Variants in RBM5 observed in about 807,000 individuals in gnomAD.
The protein encoded by RBM5 is RNA-binding protein 5.
RBM5 carries 15 observed loss-of-function variants against 124.6 expected under a neutral mutation model. The observed-to-expected ratio is 0.12, with a 90% CI of 0.08 to 0.19. The LOEUF (loss-of-function observed/expected upper bound fraction) is 0.19, where lower values mean the gene tolerates loss of function less well. Ranked by LOEUF, RBM5 falls within the 10% of genes least tolerant of loss-of-function variation. The pLI is 1.00. For missense variants in RBM5, 580 were observed against 1,026.5 expected, an observed-to-expected ratio of 0.57 and a Z score of 5.94; for synonymous variants, 337 against 361.2, an observed-to-expected ratio of 0.93 and a Z score of 0.76.
chr3:50,098,633 G>T (rs535345523), intron 4 of RBM5, among the ~76,000 whole-genome samples: 1 of 151,956 alleles, frequency 6.6e-6, no homozygotes, highest in African/African-American at 2.4e-5. Flanking sequence ...TAGTAGAGAC[G>T]GGATTTCACT....
At chr3:50,103,557 A>G (rs1481613159) in intron 7 of RBM5, among the ~76,000 whole-genome samples, 1 of 152,146 alleles carries the variant, frequency 6.6e-6, no homozygotes, top group African/African-American at 2.4e-5. Flanking sequence ...GAGGCAGGAA[A>G]ATCTCTTGAA....
In RBM5 at chr3:50,118,266, G is replaced by T. The variant is rs561873075; in HGVS notation, c.2323-65G>T. 40 of 1,599,924 alleles carry T rather than the reference G, an allele frequency of 2.5e-5. No individual in the cohort carries two copies. In the South Asian group the frequency reaches 4.4e-4, roughly 18 times the overall value. On this transcript the variant is annotated intron_variant, in intron 24 of 24. Coordinates refer to ENST00000347869, the MANE Select transcript of RBM5 (RefSeq NM_005778.4). ...GGGTGGTCCTGCTGGGTAAGGAGTG[G>T]GCATGGTGAGAGGTGGAGCAGCCCA... is the stretch of plus-strand genomic sequence containing the variant.
At chr3:50,115,347 G>A (rs890421251) in intron 20 of RBM5, 81 bp from the exon 21 acceptor site, 39 of 1,450,702 alleles carry the variant, frequency 2.7e-5, no homozygotes, top group Non-Finnish European at 3.5e-5. Context: ...TTTCGGATGA[G>A]GCATTACTTT....
At chr3:50,113,909 G>T in intron 18 of RBM5, 41 bp from the exon 19 acceptor site, 1 of 1,602,786 alleles carries the variant, frequency 6.2e-7, no homozygotes. Context: ...TGGCACAGGG[G>T]ATTAAATATT....
At chr3:50,093,658 G>A (rs1575299408) in intron 3 of RBM5, 62 bp from the exon 4 acceptor site, 4 of 1,512,214 alleles carry the variant, frequency 2.6e-6, no homozygotes, top group Admixed American at 1.7e-5. Context: ...TTCTAGGAGT[G>A]GAGGGTCTGT....
rs878975127 is a variant in RBM5 at position 50,117,020 on chromosome 3, G to A, written c.2095-54G>A. ...ATAGTTTTGAATAGGTGCATTAGAC[G>A]GTTACAGGTTGAAGTCTGTGAACAT... On this transcript the variant is annotated intron_variant, in intron 22 of 24. Transcript: ENST00000347869. This position sits in a 1 kb window ranked among gnomAD's most constrained non-coding sequence, Gnocchi z 4.2. The A allele has an allele frequency of 8.0e-6, 12 of 1,505,682 alleles. No individual in the cohort carries two copies. Among genetic ancestry groups the A allele is most frequent in the South Asian group, 5.6e-5 (5 of 88,744 alleles). 93.3% of individuals were successfully genotyped at this position (1,505,682 alleles called of 1,614,324 possible).
chr3:50,104,768 A>G, intron 8 of RBM5: 1 of 334,384 alleles, frequency 3.0e-6, no homozygotes, highest in Non-Finnish European at 5.5e-6. Flanking sequence ...AGGTTAGATA[A>G]TGCTGCTCAT....
At chr3:50,094,139 A>G (rs2090761188) in intron 4 of RBM5, 1 of 274,372 alleles carries the variant, frequency 3.6e-6, no homozygotes, top group East Asian at 6.3e-5. Flanking sequence ...AGGTAATTTT[A>G]TACAACACTT....
At chr3:50,093,214 C>A (rs1345063555) in intron 3 of RBM5, among the ~76,000 whole-genome samples, 2 of 146,542 alleles carry the variant, frequency 1.4e-5, no homozygotes, top group Non-Finnish European at 3.0e-5. Context: ...CCGAGGCGGG[C>A]GGATCATGAG....
intron 4 of RBM5, among the ~76,000 whole-genome samples, chr3:50,099,255 C>CAAA (rs57080777): frequency 1.4e-5 from 2 of 139,126 alleles, no homozygotes; most frequent in South Asian, 4.5e-4. Flanking sequence ...GGCCCTGTCT[C>CAAA]AAAAAAAAAA....
rs2091105505 is a variant in RBM5, at chr3:50,109,621, C to T, written c.1211C>T (p.Thr404Ile). 6.2e-7 allele frequency: 1 copy of T among 1,614,118 alleles called. No individual in the cohort carries two copies. The highest frequency in any genetic ancestry group is 8.5e-7 in the Non-Finnish European group (1 of 1,179,964). Reference sequence around the variant, plus strand: ...TCATCAGGCACAGCAGTGACCACCACCTCAGCGGCTGTAGTGTCCCAGAGT... The same window carrying T: ...TCATCAGGCACAGCAGTGACCACCATCTCAGCGGCTGTAGTGTCCCAGAGT... The part of the protein sequence containing the change: ...SSASGTAVTT[T>I]SAAVVSQSPQ... Residue 404 changes from threonine (T) to isoleucine (I), a missense_variant, in exon 15 of 25, where the codon ACC (threonine) becomes ATC (isoleucine). This residue lies in a region of RBM5 where 104 missense variants were observed against 128.7 expected (regional missense o/e 0.81). Transcript: ENST00000347869.
chr3:50,108,430 C>T (rs2091079735), intron 14 of RBM5, 126 bp downstream of exon 14: 15 of 959,764 alleles, frequency 1.6e-5, no homozygotes, highest in Non-Finnish European at 2.2e-5. Flanking sequence ...GGGGCATGGC[C>T]GGGCACGGTG....
rs368059260 is a variant in RBM5, at chr3:50,110,737, G to T, written c.1422G>T (p.Pro474=). ...AATCTTCAGGATATTACTATGATCC[G>T]ACAACAGGGCTCTATTATGACCCCA... ...YDESSGYYYD[P]TTGLYYDPNS... is the part of the protein sequence containing the mutation. The change falls in exon 17 of 25, where the codon CCG becomes CCT. Residue 474 remains proline, a synonymous_variant. Transcript: ENST00000347869. 8.7e-6 allele frequency: 14 copies of T among 1,613,224 alleles called. No individual in the cohort carries two copies. The highest frequency in any genetic ancestry group is 1.3e-5 in the African/African-American group (1 of 74,894).
At chr3:50,107,199 G>T (rs2091049033) in intron 11 of RBM5, 1 of 628,564 alleles carries the variant, frequency 1.6e-6, no homozygotes, top group Non-Finnish European at 2.9e-6. Context: ...ATAATTTCAT[G>T]TATATAGTGC....
Position 50,110,408 on chromosome 3 carries a change from A to G in RBM5, c.1308A>G (p.Thr436=), listed in dbSNP as rs2091120906. 4 of 1,614,060 alleles carry G rather than the reference A, an allele frequency of 2.5e-6. No individual in the cohort carries two copies. The Admixed American group carries it at 5.0e-5, about 20-fold the overall frequency. Residue 436 remains threonine (T), a synonymous_variant, in exon 16 of 25, where the codon ACA becomes ACG. Coordinates refer to ENST00000347869, the MANE Select transcript of RBM5 (RefSeq NM_005778.4). ...PTEEAQPSTS[T]STQAPAASPT... is the part of the protein sequence containing the mutation. The stretch of plus-strand genomic sequence containing the variant: ...AGGAAGCACAGCCTAGCACTAGCAC[A>G]AGTACACAGGCCCCAGCCGCTTCCC...
rs199944453 is a variant in RBM5 at position 50,100,615 on chromosome 3, C to T, written c.483+10C>T. 3.8e-6 allele frequency: 6 copies of T among 1,582,492 alleles called. No individual in the cohort carries two copies. Among genetic ancestry groups the T allele is most frequent in the Non-Finnish European group, 5.2e-6 (6 of 1,151,808 alleles). ...GATGGAAGCCAATCAGGTTGCTTCA[C>T]TCACCAAGTCTAGATATTCATGAAA... On this transcript the variant is annotated intron_variant, in intron 6 of 24. Transcript: ENST00000347869. This position sits in a 1 kb window ranked among gnomAD's most constrained non-coding sequence, Gnocchi z 5.1.
At position 50,118,331 on chromosome 3, in the gene RBM5, G is replaced by A; in HGVS notation, c.2323G>A (p.Ala775Thr). ...GCTGACAGTCTCTGTGCTTTCCCAGGCTCAAGTTCGGCTAAAGGGAGCTGG... is the reference window on the plus strand; with the variant it reads ...GCTGACAGTCTCTGTGCTTTCCCAGACTCAAGTTCGGCTAAAGGGAGCTGG... ...KCQGITAPIE[A>T]QVRLKGAGLG... Residue 775 changes from alanine (A) to threonine (T), a missense_variant and splice_region_variant, in exon 25 of 25, where the codon GCT becomes ACT. Transcript: ENST00000347869. 6.2e-7 allele frequency: 1 copy of A among 1,614,078 alleles called. No individual in the cohort carries two copies. The highest frequency in any genetic ancestry group is 8.5e-7 in the Non-Finnish European group (1 of 1,179,994).
intron 3 of RBM5, among the ~76,000 whole-genome samples, chr3:50,092,448 C>G (rs879802337): frequency 6.6e-6 from 1 of 151,464 alleles, no homozygotes; most frequent in Non-Finnish European, 1.5e-5. Flanking sequence ...GTAATCCCAG[C>G]TACTTGGGAG....
chr3:50,094,368 C>CAT, intron 4 of RBM5: 1 of 152,250 alleles, frequency 6.6e-6, no homozygotes, highest in Non-Finnish European at 1.5e-5. Flanking sequence ...CTGTGGTCTC[C>CAT]ATCTCCTGCC....
Sources: gnomAD v4.1 joint callset for allele counts (sites outside exome capture counted in the v4.1 genomes callset) on GRCh38, gnomAD v4.1.1 for gene constraint, gnomAD v4.1.1 regional missense constraint, Gnocchi (gnomAD v3.1) non-coding constraint, MANE v1.5 for transcripts, NCBI Gene and HGNC (gene_info 2026-07-23, HGNC 2026-07-21) for gene names.